ATAD2: variants seen among roughly 807,000 people sequenced by gnomAD.
ATAD2 encodes ATPase family AAA domain-containing protein 2.
Under a neutral mutation model 168.9 loss-of-function variants are expected in ATAD2, and 62 were observed. That is an observed-to-expected ratio of 0.37 (90% CI 0.30 to 0.45). The LOEUF (loss-of-function observed/expected upper bound fraction) is 0.45, where lower values mean the gene tolerates loss of function less well. Ranked by LOEUF, ATAD2 falls within the 20% of genes least tolerant of loss-of-function variation. The pLI, the probability that ATAD2 is intolerant of heterozygous loss-of-function variation, is 1.00. For missense variants in ATAD2, 1,419 were observed against 1,667.8 expected, an observed-to-expected ratio of 0.85 and a Z score of 2.60; for synonymous variants, 613 against 571.6, an observed-to-expected ratio of 1.07 and a Z score of -1.03.
At chr8:123,394,547 T>C (rs1347043879) in intron 1 of ATAD2, among the ~76,000 whole-genome samples, 2 of 151,998 alleles carry the variant, frequency 1.3e-5, no homozygotes, top group Admixed American at 6.6e-5. Context: ...GAGAACTGCT[T>C]GAACCCGGGA....
intron 13 of ATAD2, among the ~76,000 whole-genome samples, chr8:123,352,926 C>T (rs117987795): frequency 0.041 from 6,223 of 151,820 alleles, 182 homozygotes; most frequent in Non-Finnish European, 0.063. Context: ...CAACCAAAAC[C>T]CAGCTGAGTG....
rs1004378364 is a variant in ATAD2, at chr8:123,402,761, T to C, written c.-2281-1586A>G. Among the ~76,000 whole-genome samples, 8 of 152,096 alleles carry C rather than the reference T, an allele frequency of 5.3e-5. No homozygotes were observed. Among genetic ancestry groups the C allele is most frequent in the African/African-American group, 1.9e-4 (8 of 41,406 alleles). ...TTTAACTTTGCACACTTTGGGATCA[T>C]AGTTGCGTCATTGTGTATTAAATAA... On this transcript the variant is annotated intron_variant, in intron 1 of 28. Transcript: ENST00000521903. This position sits in a 1 kb window ranked among gnomAD's most constrained non-coding sequence, Gnocchi z 4.8.
intron 6 of ATAD2, 74 bp from the exon 7 acceptor site, chr8:123,370,098 G>A: frequency 7.2e-7 from 1 of 1,387,604 alleles, no homozygotes; most frequent in South Asian, 1.3e-5. Flanking sequence ...AGGTGAGTTG[G>A]GAGAGAAAGA....
chr8:123,412,292 T>C (rs1813170190), intron 1 of ATAD2, among the ~76,000 whole-genome samples: 1 of 152,226 alleles, frequency 6.6e-6, no homozygotes, highest in Non-Finnish European at 1.5e-5. Flanking sequence ...TTGGATTTCT[T>C]TGTTACAGCA....
intron 1 of ATAD2, among the ~76,000 whole-genome samples, chr8:123,411,566 G>A (rs1255833913): frequency 6.6e-6 from 1 of 152,056 alleles, no homozygotes; most frequent in Non-Finnish European, 1.5e-5. Context: ...CAATCAGAGA[G>A]CTCACTAAAA....
At chr8:123,414,774 C>A (rs1813216016) in intron 1 of ATAD2, among the ~76,000 whole-genome samples, 1 of 152,212 alleles carries the variant, frequency 6.6e-6, no homozygotes, top group African/African-American at 2.4e-5. Context: ...CAGGCTAAAC[C>A]TGCAAGGTTA....
At chr8:123,381,371 C>T (rs1018799337) in intron 1 of ATAD2, among the ~76,000 whole-genome samples, 24 of 152,086 alleles carry the variant, frequency 1.6e-4, no homozygotes, top group African/African-American at 5.6e-4. Context: ...CATGGTGGAG[C>T]ACACCTGTGG....
intron 18 of ATAD2, 140 bp downstream of exon 18, chr8:123,345,946 G>T: frequency 1.8e-6 from 1 of 566,890 alleles, no homozygotes; most frequent in Non-Finnish European, 2.8e-6. Context: ...TAATGACTAA[G>T]CAATCATGCA....
intron 1 of ATAD2, among the ~76,000 whole-genome samples, chr8:123,389,664 C>T (rs537338767): frequency 6.7e-6 from 1 of 150,186 alleles, no homozygotes; most frequent in East Asian, 2.0e-4. Flanking sequence ...ACAAAACTCC[C>T]AATGGTCTAC....
chr8:123,408,014 T>C (rs1193557086), intron 1 of ATAD2, among the ~76,000 whole-genome samples: 1 of 152,254 alleles, frequency 6.6e-6, no homozygotes, highest in African/African-American at 2.4e-5. Flanking sequence ...GGTCCCTTTC[T>C]GTTCTTTGGT....
intron 24 of ATAD2, 88 bp downstream of exon 24, chr8:123,333,790 C>A: frequency 9.5e-6 from 13 of 1,375,584 alleles, no homozygotes; most frequent in African/African-American, 1.5e-5. Flanking sequence ...TGCATTAACA[C>A]AAATAAAGGA....
intron 21 of ATAD2, among the ~76,000 whole-genome samples, chr8:123,337,317 C>A (rs1027279455): frequency 4.0e-5 from 6 of 151,570 alleles, no homozygotes; most frequent in African/African-American, 1.5e-4. Flanking sequence ...GAGCCGAGAT[C>A]GCGCCATTGC....
chr8:123,402,107 T>G lies in ATAD2; in HGVS notation c.-2281-932A>C, dbSNP rs920052264. 42 of 1,028,536 alleles carry G rather than the reference T, an allele frequency of 4.1e-5. No individual in the cohort carries two copies. The African/African-American group carries it at 6.0e-4, about 15-fold the overall frequency. The allele number at this position is 1,028,536 out of a possible 1,614,324, so 63.7% of individuals were successfully genotyped here. On this transcript the variant is annotated intron_variant, in intron 1 of 28. Transcript: ENST00000521903. This position sits in a 1 kb window ranked among gnomAD's most constrained non-coding sequence, Gnocchi z 4.8. ...GCACTCTTAGGAGAAGCGGCTGTAC[T>G]GACAGCAGTGGAGGCCGAGGTGGTG...
intron 1 of ATAD2, among the ~76,000 whole-genome samples, chr8:123,387,902 A>G (rs1563863886): frequency 6.6e-6 from 1 of 152,222 alleles, no homozygotes; most frequent in Non-Finnish European, 1.5e-5. Context: ...GTCAATTCAA[A>G]TATCAACAAA....
Position 123,334,212 on chromosome 8 carries a change from T to C in ATAD2, c.3322A>G (p.Arg1108Gly), listed in dbSNP as rs781303705. 1 of 1,585,416 alleles carries C rather than the reference T, an allele frequency of 6.3e-7. No individual in the cohort carries two copies. Among genetic ancestry groups the C allele is most frequent in the Non-Finnish European group, 8.5e-7 (1 of 1,171,962 alleles). Residue 1108 changes from arginine (R) to glycine (G), a missense_variant, in exon 23 of 28, where the codon AGA becomes GGA. This residue lies in a region of ATAD2 where 545 missense variants were observed against 724.9 expected (regional missense o/e 0.75). Coordinates refer to ENST00000287394, the MANE Select transcript of ATAD2 (RefSeq NM_014109.4). ...ATCACTTTCCTACCTCTTTTCTTTC[T>C]AGATTCCTGAATTTCTTCACAGAGC... The part of the protein sequence containing the change: ...EQLCEEIQES[R>G]KKRGCSSSKY...
In ATAD2 at chr8:123,348,169, A is replaced by C; in HGVS notation, c.1897+14T>G. On this transcript the variant is annotated intron_variant, in intron 15 of 27. Coordinates refer to ENST00000287394, the MANE Select transcript of ATAD2 (RefSeq NM_014109.4). ...AATGTAGTATTTATTTTAACTGCTT[A>C]AAACAATGTTTACCAACACAGTTTT... The C allele has an allele frequency of 6.5e-7, 1 of 1,549,298 alleles. No homozygotes were observed. Among genetic ancestry groups the C allele is most frequent in the South Asian group, 1.2e-5 (1 of 83,038 alleles).
chr8:123,390,976 C>T (rs574080344), intron 1 of ATAD2, among the ~76,000 whole-genome samples: 1 of 152,028 alleles, frequency 6.6e-6, no homozygotes, highest in South Asian at 2.1e-4. Context: ...GCAGAGATTG[C>T]GCCACTGCAT....
Position 123,379,804 on chromosome 8 carries a change from G to A in ATAD2, c.320+725C>T, listed in dbSNP as rs970481023. On this transcript the variant is annotated intron_variant, in intron 2 of 27. Coordinates refer to ENST00000287394, the MANE Select transcript of ATAD2 (RefSeq NM_014109.4). Reference sequence around the variant, plus strand: ...CGGCTGGTCTCAAACTCCTGACCTCGTGATCTGCCTGCCTCGGTCTCCCAA... The same window carrying A: ...CGGCTGGTCTCAAACTCCTGACCTCATGATCTGCCTGCCTCGGTCTCCCAA... Among the ~76,000 whole-genome samples, 7 of 151,182 alleles carry A rather than the reference G, an allele frequency of 4.6e-5. No individual in the cohort carries two copies. The East Asian group carries it at 9.7e-4, about 21-fold the overall frequency.
intron 1 of ATAD2, among the ~76,000 whole-genome samples, chr8:123,406,287 G>C (rs1488961612): frequency 6.9e-6 from 1 of 144,306 alleles, no homozygotes; most frequent in Non-Finnish European, 1.5e-5. Flanking sequence ...TGAGACAGGA[G>C]AATTGTTTGA....
Sources: allele counts gnomAD v4.1 joint callset (sites outside exome capture counted in the v4.1 genomes callset), GRCh38; gene constraint gnomAD v4.1.1; regional missense constraint gnomAD v4.1.1; non-coding constraint Gnocchi (gnomAD v3.1); transcripts MANE v1.5; gene names NCBI Gene and HGNC (gene_info 2026-07-23, HGNC 2026-07-21).